The following ALMS1 variants were observed in gnomAD, a reference collection of about 807,000 sequenced individuals.
The protein encoded by ALMS1 is centrosome-associated protein ALMS1.
In ALMS1, 271 loss-of-function variants were observed where a neutral mutation model predicts 352.2. The observed-to-expected ratio is 0.77, with a 90% CI of 0.70 to 0.85. The LOEUF is 0.85. Ranked by LOEUF, ALMS1 falls within the 40% of genes least tolerant of loss-of-function variation. The pLI, the probability that ALMS1 is intolerant of heterozygous loss-of-function variation, is 0.00. For missense variants in ALMS1, 5,445 were observed against 4,870.7 expected, an observed-to-expected ratio of 1.12 and a Z score of -3.51; for synonymous variants, 1,865 against 1,761.2, an observed-to-expected ratio of 1.06 and a Z score of -1.48.
At chr2:73,444,173 G>A (rs998880329) in intron 7 of ALMS1, among the ~76,000 whole-genome samples, 2 of 152,154 alleles carry the variant, frequency 1.3e-5, no homozygotes, top group Admixed American at 6.5e-5. Flanking sequence ...AGTAAGGGAG[G>A]ACTTTAGTTT....
In ALMS1 at chr2:73,408,829, A is replaced by G. The variant is rs550260880; in HGVS notation, c.450+82A>G. 7.0e-4 allele frequency: 893 copies of G among 1,269,746 alleles called. 2 individuals are homozygous for G. The highest frequency in any genetic ancestry group is 9.2e-4 in the Non-Finnish European group (835 of 906,690). The allele number at this position is 1,269,746 out of a possible 1,614,324, so 78.7% of individuals were successfully genotyped here. ...TGATTTAGCTATGAAGAATGGAAAA[A>G]TAAATTAATATTCATTAATATTATG... On this transcript the variant is annotated intron_variant, in intron 2 of 22. Transcript: ENST00000613296.
At chr2:73,577,192 T>C (rs1275284479) in intron 16 of ALMS1, among the ~76,000 whole-genome samples, 1 of 152,176 alleles carries the variant, frequency 6.6e-6, no homozygotes, top group African/African-American at 2.4e-5. Context: ...TCTTGGTTTT[T>C]GATAATGAGT....
At position 73,450,699 on chromosome 2, in the gene ALMS1, T is replaced by C. The variant is rs779360476; in HGVS notation, c.4172T>C (p.Phe1391Ser). The C allele has an allele frequency of 1.2e-6, 2 of 1,612,700 alleles. No homozygotes were observed. Among genetic ancestry groups the C allele is most frequent in the Admixed American group, 3.3e-5 (2 of 59,858 alleles). ...YSQHTEKPSI[F>S]YQQSLPGSHL... is the part of the protein sequence containing the mutation. ...CAACATACAGAGAAGCCGAGTATTT[T>C]CTACCAACAGTCGTTGCCAGGTAGT... Residue 1391 changes from phenylalanine to serine, a missense_variant, in exon 8 of 23, where the codon TTC (phenylalanine) becomes TCC (serine). Physicochemically the swap from Phe to Ser is radical, Grantham distance 155 (BLOSUM62 -2). Coordinates refer to ENST00000613296, the MANE Select transcript of ALMS1 (RefSeq NM_001378454.1).
chr2:73,483,944 T>C (rs1158490997), intron 9 of ALMS1, among the ~76,000 whole-genome samples: 5 of 149,402 alleles, frequency 3.3e-5, no homozygotes, highest in Admixed American at 1.3e-4. Flanking sequence ...TCCTCCATCC[T>C]TTTATTTTGA....
At chr2:73,502,382 C>T (rs1454885479) in intron 10 of ALMS1, among the ~76,000 whole-genome samples, 1 of 152,064 alleles carries the variant, frequency 6.6e-6, no homozygotes, top group Non-Finnish European at 1.5e-5. Context: ...CCTTCCTTTG[C>T]AGTTCTCATG....
At chr2:73,411,944 G>A (rs936337927) in intron 2 of ALMS1, among the ~76,000 whole-genome samples, 43 of 152,004 alleles carry the variant, frequency 2.8e-4, no homozygotes, top group Non-Finnish European at 5.9e-5. Context: ...CAAATGTCTC[G>A]TCCTCTCTTC....
Position 73,432,212 on chromosome 2 carries a change from G to A in ALMS1, c.1353G>A (p.Ser451=), listed in dbSNP as rs370873335. Residue 451 remains serine, a synonymous_variant, in exon 7 of 23, where the codon TCG becomes TCA. Coordinates refer to ENST00000613296, the MANE Select transcript of ALMS1 (RefSeq NM_001378454.1). ...AELQRKPTRE[S]EYHSSDLRML... is the part of the protein sequence containing the mutation. ...TTCCACATAAGCCAACAAGAGAGTC[G>A]GAATATCACTCTTCAGATCTCAGAA... 10 of 1,612,496 alleles carry A rather than the reference G, an allele frequency of 6.2e-6. No homozygotes were observed. Among genetic ancestry groups the A allele is most frequent in the East Asian group, 2.2e-5 (1 of 44,792 alleles).
chr2:73,608,495 A>G lies in ALMS1; in HGVS notation c.12383A>G (p.Glu4128Gly). 6.2e-7 allele frequency: 1 copy of G among 1,613,918 alleles called. No homozygotes were observed. Among genetic ancestry groups the G allele is most frequent in the Non-Finnish European group, 8.5e-7 (1 of 1,179,864 alleles). ...CTAAGGATTTATGAGCAGCTTCCAG[A>G]AGTACAGAAAAAGAGAGAAGAAGAG... ...RSKRIYEQLPEVQKKREEEKR... is the reference protein window; with the variant it reads ...RSKRIYEQLPGVQKKREEEKR... Residue 4128 changes from glutamate (E) to glycine (G), a missense_variant, in exon 22 of 23, where the codon GAA becomes GGA. By Grantham distance (98) the Glu-to-Gly change is moderately conservative. Coordinates refer to ENST00000613296, the MANE Select transcript of ALMS1 (RefSeq NM_001378454.1).
chr2:73,415,690 T>C (rs1671170762), intron 2 of ALMS1, among the ~76,000 whole-genome samples: 1 of 152,166 alleles, frequency 6.6e-6, no homozygotes, highest in African/African-American at 2.4e-5. Flanking sequence ...TTTAGTGACA[T>C]CAATTTAAAG....
At chr2:73,552,665 C>T (rs1674464116) in intron 13 of ALMS1, among the ~76,000 whole-genome samples, 1 of 152,214 alleles carries the variant, frequency 6.6e-6, no homozygotes, top group African/African-American at 2.4e-5. Context: ...GAAAAGCCCT[C>T]CTCCTGGCTT....
intron 1 of ALMS1, among the ~76,000 whole-genome samples, chr2:73,405,392 C>T (rs1455902869): frequency 2.0e-5 from 3 of 152,068 alleles, no homozygotes; most frequent in Admixed American, 6.5e-5. Context: ...ATAGTATTCT[C>T]CTATGATCCT....
chr2:73,476,659 C>T (rs1672589978), intron 9 of ALMS1, among the ~76,000 whole-genome samples: 1 of 151,690 alleles, frequency 6.6e-6, no homozygotes, highest in Admixed American at 6.6e-5. Flanking sequence ...TTTTCATTTC[C>T]CTTATGATTA....
chr2:73,464,981 G>A (rs1288971564), intron 9 of ALMS1, among the ~76,000 whole-genome samples: 1 of 150,278 alleles, frequency 6.7e-6, no homozygotes, highest in Non-Finnish European at 1.5e-5. Context: ...CCATGCTCAT[G>A]GGTAGGAAGA....
At chr2:73,429,278 CTTTTTT>C (rs5832107) in intron 6 of ALMS1, among the ~76,000 whole-genome samples, 1 of 102,708 alleles carries the variant, frequency 9.7e-6, no homozygotes. Context: ...AATTAATATG[CTTTTTT>C]TTTTTTTTTT....
chr2:73,573,400 G>A lies in ALMS1; in HGVS notation c.11523G>A (p.Glu3841=), dbSNP rs35760114. Residue 3841 remains glutamate (E), a synonymous_variant, in exon 16 of 23, where the codon GAG becomes GAA. Transcript: ENST00000613296. ...LNTGHPLVTS[E]HTRRRHIQVA... Reference sequence around the variant, plus strand: ...CAGGTCATCCCCTAGTGACTTCTGAGCACACCAGAAGGAGACACATCCAGG... The same window carrying A: ...CAGGTCATCCCCTAGTGACTTCTGAACACACCAGAAGGAGACACATCCAGG... 3.7e-3 allele frequency: 6,025 copies of A among 1,614,028 alleles called. 178 individuals carry two copies. The African/African-American group carries it at 0.064, about 17-fold the overall frequency.
chr2:73,448,256 C>T lies in ALMS1; in HGVS notation c.1729C>T (p.His577Tyr), dbSNP rs1671847160. 3.1e-6 allele frequency: 5 copies of T among 1,613,926 alleles called. No individual in the cohort carries two copies. The highest frequency in any genetic ancestry group is 3.4e-6 in the Non-Finnish European group (4 of 1,179,960). The part of the protein sequence containing the change: ...TPTVLSSSHS[H>Y]RGKPSIFYQQ... Reference sequence around the variant, plus strand: ...AACAGTACTCTCTAGTTCCCACTCACATAGGGGGAAGCCCAGCATTTTCTA... The same window carrying T: ...AACAGTACTCTCTAGTTCCCACTCATATAGGGGGAAGCCCAGCATTTTCTA... The change falls in exon 8 of 23, where the codon CAT becomes TAT. Residue 577 changes from histidine to tyrosine, a missense_variant. Physicochemically the swap from His to Tyr is moderately conservative, Grantham distance 83. Coordinates refer to ENST00000613296, the MANE Select transcript of ALMS1 (RefSeq NM_001378454.1).
intron 12 of ALMS1, among the ~76,000 whole-genome samples, chr2:73,547,785 T>C (rs1245097553): frequency 6.6e-6 from 1 of 152,216 alleles, no homozygotes; most frequent in Non-Finnish European, 1.5e-5. Flanking sequence ...CGGAGAGCCA[T>C]GGCGGGGCGG....
chr2:73,524,298 T>C (rs1441566044), intron 11 of ALMS1, among the ~76,000 whole-genome samples: 2 of 152,190 alleles, frequency 1.3e-5, no homozygotes, highest in African/African-American at 4.8e-5. Flanking sequence ...TCTGGGTATA[T>C]AGTAGACATA....
At chr2:73,589,723 G>T (rs990343376) in intron 16 of ALMS1, among the ~76,000 whole-genome samples, 5 of 152,142 alleles carry the variant, frequency 3.3e-5, no homozygotes, top group Admixed American at 3.3e-4. Context: ...TCCATGGAGT[G>T]CATCTACCCA....
Sources: gnomAD v4.1 joint callset for allele counts (sites outside exome capture counted in the v4.1 genomes callset) on GRCh38, gnomAD v4.1.1 for gene constraint, MANE v1.5 for transcripts, NCBI Gene and HGNC (gene_info 2026-07-23, HGNC 2026-07-21) for gene names.